The following WNT7A variants were observed in gnomAD, a reference collection of about 807,000 sequenced individuals.
The protein encoded by WNT7A is Wnt family member 7A, also known as protein Wnt-7a.
Under a neutral mutation model 28.2 loss-of-function variants are expected in WNT7A, and 16 were observed. The observed-to-expected ratio is 0.57, with a 90% CI of 0.38 to 0.86. The LOEUF (loss-of-function observed/expected upper bound fraction) is 0.86. Ranked by LOEUF, WNT7A falls within the 40% of genes least tolerant of loss-of-function variation. The pLI, the probability that WNT7A is intolerant of heterozygous loss-of-function variation, is 0.00. For missense variants in WNT7A, 411 were observed against 489.7 expected, an observed-to-expected ratio of 0.84 and a Z score of 1.52; for synonymous variants, 190 against 195.9, an observed-to-expected ratio of 0.97 and a Z score of 0.25.
intron 2 of WNT7A, among the ~76,000 whole-genome samples, chr3:13,857,479 G>C (rs73814721): frequency 6.6e-6 from 1 of 152,156 alleles, no homozygotes; most frequent in Non-Finnish European, 1.5e-5. Context: ...ACCAGCCAGC[G>C]CAGGAGGTGG....
intron 2 of WNT7A, among the ~76,000 whole-genome samples, chr3:13,857,186 C>T (rs1247314096): frequency 3.9e-5 from 6 of 152,104 alleles, no homozygotes; most frequent in Admixed American, 1.3e-4. Flanking sequence ...TGGACCAGGC[C>T]ATAGGAGGAC....
chr3:13,836,403 C>T (rs1694372017), intron 3 of WNT7A, among the ~76,000 whole-genome samples: 1 of 152,220 alleles, frequency 6.6e-6, no homozygotes, highest in Admixed American at 6.5e-5. Flanking sequence ...TGCAGAATCC[C>T]AGCCTTTCAG....
chr3:13,838,759 C>T (rs533613390), intron 3 of WNT7A, among the ~76,000 whole-genome samples: 2 of 152,286 alleles, frequency 1.3e-5, no homozygotes, highest in African/African-American at 2.4e-5. Flanking sequence ...ACTCTCAGCT[C>T]GGATTCTGTA....
At chr3:13,842,300 T>C (rs1417354288) in intron 3 of WNT7A, among the ~76,000 whole-genome samples, 1 of 151,960 alleles carries the variant, frequency 6.6e-6, no homozygotes, top group Non-Finnish European at 1.5e-5. Context: ...AGGGGAGAGA[T>C]GCTGGTGGAT....
chr3:13,854,141 G>C (rs1354783200), intron 3 of WNT7A, among the ~76,000 whole-genome samples: 1 of 151,912 alleles, frequency 6.6e-6, no homozygotes, highest in Non-Finnish European at 1.5e-5. Flanking sequence ...CCAGAAGCCT[G>C]AGAAGAGGGA....
intron 1 of WNT7A, among the ~76,000 whole-genome samples, chr3:13,877,492 G>A (rs1254906051): frequency 6.6e-6 from 1 of 152,200 alleles, no homozygotes; most frequent in Non-Finnish European, 1.5e-5. Context: ...CTGGCCACCA[G>A]GAAATTTCTA....
At chr3:13,841,134 G>C (rs1461724035) in intron 3 of WNT7A, among the ~76,000 whole-genome samples, 1 of 152,196 alleles carries the variant, frequency 6.6e-6, no homozygotes, top group Non-Finnish European at 1.5e-5. Flanking sequence ...CCAGGGGCTG[G>C]CCTCCTCTAA....
In WNT7A at chr3:13,821,297, C is replaced by T. The variant is rs78083697; in HGVS notation, c.571-1874G>A. 5.9e-3 allele frequency among the ~76,000 whole-genome samples: 899 copies of T among 152,314 alleles called. 5 individuals are homozygous for T. The highest frequency in any genetic ancestry group is 0.01 in the Non-Finnish European group (701 of 68,022). On this transcript the variant is annotated intron_variant, in intron 3 of 3. Coordinates refer to ENST00000285018, the MANE Select transcript of WNT7A (RefSeq NM_004625.4). ...ACTGAGTGTTGGCAAGCATATGGAG[C>T]ACCTGGAGCCCTCAGACACTGCTGG...
intron 2 of WNT7A, among the ~76,000 whole-genome samples, chr3:13,874,505 G>A (rs978075140): frequency 1.3e-5 from 2 of 152,152 alleles, no homozygotes; most frequent in African/African-American, 4.8e-5. Flanking sequence ...CAGTGAATGG[G>A]TTGCCCATTC....
At chr3:13,831,502 G>T (rs1012370881) in intron 3 of WNT7A, among the ~76,000 whole-genome samples, 10 of 152,188 alleles carry the variant, frequency 6.6e-5, no homozygotes, top group African/African-American at 2.4e-4. Context: ...TGCTCCCTCG[G>T]TGATGGTCAC....
At chr3:13,872,010 T>A (rs1695033658) in intron 2 of WNT7A, among the ~76,000 whole-genome samples, 1 of 151,996 alleles carries the variant, frequency 6.6e-6, no homozygotes. Flanking sequence ...ACGTTCCACC[T>A]CAGGGCCTTT....
intron 2 of WNT7A, among the ~76,000 whole-genome samples, chr3:13,865,078 G>T (rs760408086): frequency 6.6e-5 from 10 of 152,162 alleles, no homozygotes; most frequent in Non-Finnish European, 1.2e-4. Flanking sequence ...AGCTGTGAGG[G>T]TCTCCAGGGT....
At chr3:13,825,979 C>T (rs1464004426) in intron 3 of WNT7A, among the ~76,000 whole-genome samples, 2 of 152,232 alleles carry the variant, frequency 1.3e-5, no homozygotes, top group Non-Finnish European at 2.9e-5. Context: ...CTTGAAATCC[C>T]CCGCCTCTGA....
intron 3 of WNT7A, among the ~76,000 whole-genome samples, chr3:13,828,006 T>C (rs988841861): frequency 8.6e-5 from 13 of 151,634 alleles, no homozygotes; most frequent in African/African-American, 3.1e-4. Flanking sequence ...CCAGTCCTTA[T>C]CTTGGTGCCT....
chr3:13,867,673 C>T (rs1247920417), intron 2 of WNT7A, among the ~76,000 whole-genome samples: 1 of 152,208 alleles, frequency 6.6e-6, no homozygotes, highest in Non-Finnish European at 1.5e-5. Context: ...AAGGAACCCA[C>T]TCATCCCTAG....
chr3:13,820,639 C>T (rs978740417), intron 3 of WNT7A, among the ~76,000 whole-genome samples: 4 of 152,130 alleles, frequency 2.6e-5, no homozygotes, highest in Non-Finnish European at 5.9e-5. Context: ...TCAAAAAACT[C>T]GCTAGTCTTG....
At chr3:13,854,470 C>A in intron 3 of WNT7A, 62 bp downstream of exon 3, 2 of 1,610,916 alleles carry the variant, frequency 1.2e-6, no homozygotes, top group Middle Eastern at 3.3e-4. Flanking sequence ...CCAGATGTTA[C>A]AAACAAGCCA....
At chr3:13,866,462 C>T (rs1392713216) in intron 2 of WNT7A, among the ~76,000 whole-genome samples, 4 of 152,212 alleles carry the variant, frequency 2.6e-5, no homozygotes, top group African/African-American at 7.2e-5. Context: ...CACAGCGCTG[C>T]ACAGATGAGC....
At chr3:13,868,822 G>A (rs372599783) in intron 2 of WNT7A, among the ~76,000 whole-genome samples, 55,124 of 109,564 alleles carry the variant, frequency 0.5, 16,130 homozygotes, top group East Asian at 0.82. Context: ...GAGAGAGAGA[G>A]AGAAAGAGAG....
Sources: allele counts gnomAD v4.1 joint callset (sites outside exome capture counted in the v4.1 genomes callset), GRCh38; gene constraint gnomAD v4.1.1; transcripts MANE v1.5; gene names NCBI Gene and HGNC (gene_info 2026-07-23, HGNC 2026-07-21).